The following ADGRB1 variants were observed in gnomAD, a reference collection of about 807,000 sequenced individuals.
The protein encoded by ADGRB1 is adhesion G protein-coupled receptor B1, also known as brain-specific angiogenesis inhibitor 1.
In ADGRB1, 36 loss-of-function variants were observed where a neutral mutation model predicts 175.7. The observed-to-expected ratio is 0.20, with a 90% confidence interval of 0.16 to 0.27. The LOEUF (loss-of-function observed/expected upper bound fraction) is 0.27. Ranked by LOEUF, ADGRB1 falls within the 10% of genes least tolerant of loss-of-function variation. ADGRB1 has a pLI of 1.00. For missense variants in ADGRB1, 1,731 were observed against 2,255.3 expected, an observed-to-expected ratio of 0.77 and a Z score of 4.71; for synonymous variants, 1,054 against 979.4, an observed-to-expected ratio of 1.08 and a Z score of -1.42.
In ADGRB1 at chr8:142,464,100, A is replaced by G; in HGVS notation, c.-99A>G. 3.6e-6 allele frequency: 1 copy of G among 280,426 alleles called. No individual in the cohort carries two copies. The highest frequency in any genetic ancestry group is 1.6e-4 in the East Asian group (1 of 6,440). The allele number at this position is 280,426 out of a possible 1,614,324, so 17.4% of individuals were successfully genotyped here. On this transcript the variant is annotated 5_prime_UTR_variant, in exon 2 of 31. Coordinates refer to ENST00000517894, the MANE Select transcript of ADGRB1 (RefSeq NM_001702.3). ...ACCCTTGCCCCGCCTCCCTGCCCCCACCGGGCCGGCCCTGCCCGCCGCCGG... is the reference window on the plus strand; with the variant it reads ...ACCCTTGCCCCGCCTCCCTGCCCCCGCCGGGCCGGCCCTGCCCGCCGCCGG...
At position 142,476,205 on chromosome 8, in the gene ADGRB1, T is replaced by C. The variant is rs564520958; in HGVS notation, c.947-380T>C. Among the ~76,000 whole-genome samples the C allele has an allele frequency of 1.5e-4, 23 of 152,358 alleles. No homozygotes were observed. The South Asian group carries it at 4.8e-3, about 32-fold the overall frequency. On this transcript the variant is annotated intron_variant, in intron 3 of 30. Coordinates refer to ENST00000517894, the MANE Select transcript of ADGRB1 (RefSeq NM_001702.3). ...TGTCATTGTTTGGGCTGTTTTTTCCTTGGTGAACTTTCCTGGGGAGAAGAG... is the reference window on the plus strand; with the variant it reads ...TGTCATTGTTTGGGCTGTTTTTTCCCTGGTGAACTTTCCTGGGGAGAAGAG...
intron 1 of ADGRB1, among the ~76,000 whole-genome samples, chr8:142,454,694 G>A (rs1400561197): frequency 6.6e-6 from 1 of 152,078 alleles, no homozygotes. Flanking sequence ...TCCACTCCTC[G>A]GGGTTAAGGT....
Position 142,535,908 on chromosome 8 carries a change from C to T in ADGRB1, c.3571-1079C>T, listed in dbSNP as rs142220091. Among the ~76,000 whole-genome samples, 152 of 152,298 alleles carry T rather than the reference C, an allele frequency of 1.0e-3. 1 individual carries two copies. The highest frequency in any genetic ancestry group is 6.8e-3 in the Middle Eastern group (2 of 294). ...GCTGGTGTCCGGGGGTCAGAGGCCACTGAGACCCTGGTTTCCAGGCCTGGC... is the reference window on the plus strand; with the variant it reads ...GCTGGTGTCCGGGGGTCAGAGGCCATTGAGACCCTGGTTTCCAGGCCTGGC... On this transcript the variant is annotated intron_variant, in intron 25 of 30. Coordinates refer to ENST00000517894, the MANE Select transcript of ADGRB1 (RefSeq NM_001702.3).
At position 142,493,364 on chromosome 8, in the gene ADGRB1, A is replaced by G. The variant is rs1348398056; in HGVS notation, c.2675+2549A>G. On this transcript the variant is annotated intron_variant, in intron 17 of 30. Coordinates refer to ENST00000517894, the MANE Select transcript of ADGRB1 (RefSeq NM_001702.3). The surrounding 1 kb of genome is among the most constrained non-coding windows in gnomAD (Gnocchi z 5.0). ...CCTGCTTTTAGGCAGGGGCGGGGGC[A>G]GCAGGACGGCGGTCAAGTCCCCAGG... Among the ~76,000 whole-genome samples, 1 of 151,924 alleles carries G rather than the reference A, an allele frequency of 6.6e-6. No homozygotes were observed. Among genetic ancestry groups the G allele is most frequent in the African/African-American group, 2.4e-5 (1 of 41,352 alleles).
In ADGRB1 at chr8:142,511,927, G is replaced by T. The variant is rs900012396; in HGVS notation, c.2817+854G>T. ...GCAGCAGGGGTGGAGGATGCACTTG[G>T]AGGGGACCTGTCCTTCCTGGGTGTT... On this transcript the variant is annotated intron_variant, in intron 18 of 30. Transcript: ENST00000517894. The surrounding 1 kb of genome is among the most constrained non-coding windows in gnomAD (Gnocchi z 4.5). Among the ~76,000 whole-genome samples, 1 of 152,232 alleles carries T rather than the reference G, an allele frequency of 6.6e-6. No homozygotes were observed. Among genetic ancestry groups the T allele is most frequent in the African/African-American group, 2.4e-5 (1 of 41,458 alleles).
intron 17 of ADGRB1, among the ~76,000 whole-genome samples, chr8:142,491,654 C>T (rs111579504): frequency 2.5e-4 from 38 of 152,290 alleles, no homozygotes; most frequent in Middle Eastern, 3.4e-3. Flanking sequence ...TGCACCCTGC[C>T]GCCCGCCTCC....
chr8:142,538,459 T>A (rs1004438191), intron 26 of ADGRB1, among the ~76,000 whole-genome samples: 1 of 152,196 alleles, frequency 6.6e-6, no homozygotes, highest in Admixed American at 6.5e-5. Flanking sequence ...GGCTAGCTTG[T>A]CATTTTGGGA....
Position 142,511,351 on chromosome 8 carries a change from T to G in ADGRB1, c.2817+278T>G, listed in dbSNP as rs921766253. Among the ~76,000 whole-genome samples, 13 of 151,946 alleles carry G rather than the reference T, an allele frequency of 8.6e-5. No individual in the cohort carries two copies. The highest frequency in any genetic ancestry group is 2.7e-4 in the African/African-American group (11 of 41,388). On this transcript the variant is annotated intron_variant, in intron 18 of 30. Transcript: ENST00000517894. This position sits in a 1 kb window ranked among gnomAD's most constrained non-coding sequence, Gnocchi z 4.5. Reference sequence around the variant, plus strand: ...TGGGTGGGTCCCATCTCCCCTGGCCTTGGAGGCCCGGGATCTCCGAGGGAG... The same window carrying G: ...TGGGTGGGTCCCATCTCCCCTGGCCGTGGAGGCCCGGGATCTCCGAGGGAG...
Position 142,512,015 on chromosome 8 carries a change from C to T in ADGRB1, c.2817+942C>T, listed in dbSNP as rs1218115863. Among the ~76,000 whole-genome samples the T allele has an allele frequency of 2.0e-5, 3 of 152,246 alleles. No individual in the cohort carries two copies. In the East Asian group the frequency reaches 5.8e-4, roughly 29 times the overall value. On this transcript the variant is annotated intron_variant, in intron 18 of 30. Coordinates refer to ENST00000517894, the MANE Select transcript of ADGRB1 (RefSeq NM_001702.3). ...CGATGTAGAAGGTAGCGCCTAGCCT[C>T]TCGGACACTCCAGCCTCCTGGCTGT...
At chr8:142,489,242 C>T (rs962822515) in intron 15 of ADGRB1, 94 bp from the exon 16 acceptor site, 107 of 1,552,442 alleles carry the variant, frequency 6.9e-5, no homozygotes, top group Admixed American at 3.4e-4. Context: ...AGGGTGGCGG[C>T]GGGTACAGGG....
chr8:142,511,860 A>G lies in ADGRB1; in HGVS notation c.2817+787A>G, dbSNP rs1014721624. Among the ~76,000 whole-genome samples, 6 of 152,174 alleles carry G rather than the reference A, an allele frequency of 3.9e-5. No individual in the cohort carries two copies. The highest frequency in any genetic ancestry group is 7.4e-5 in the Non-Finnish European group (5 of 68,024). Reference sequence around the variant, plus strand: ...AGGAAAGGGCCTTGGGCGTGTGCTCACCAAGTAACCTCCGCCCAGACCTCG... The same window carrying G: ...AGGAAAGGGCCTTGGGCGTGTGCTCGCCAAGTAACCTCCGCCCAGACCTCG... On this transcript the variant is annotated intron_variant, in intron 18 of 30. Coordinates refer to ENST00000517894, the MANE Select transcript of ADGRB1 (RefSeq NM_001702.3). This position sits in a 1 kb window ranked among gnomAD's most constrained non-coding sequence, Gnocchi z 4.5.
intron 1 of ADGRB1, among the ~76,000 whole-genome samples, chr8:142,456,992 TG>T (rs1839718389): frequency 6.6e-6 from 1 of 152,150 alleles, no homozygotes; most frequent in South Asian, 2.1e-4. Flanking sequence ...GGCCCCGGGG[TG>T]TGCCTGGAAC....
chr8:142,475,391 C>T (rs952316689), intron 2 of ADGRB1, 83 bp from the exon 3 acceptor site: 4 of 1,219,394 alleles, frequency 3.3e-6, no homozygotes, highest in East Asian at 3.1e-5. Context: ...CCGGCCTCGG[C>T]GGGCTTAGCA....
Position 142,478,222 on chromosome 8 carries a change from A to G in ADGRB1, c.1423A>G (p.Ser475Gly). 6.2e-7 allele frequency: 1 copy of G among 1,607,868 alleles called. No individual in the cohort carries two copies. ...AVDGNWNEWS[S>G]WSACSASCSQ... Reference sequence around the variant, plus strand: ...GGATGGAAACTGGAATGAGTGGTCGAGCTGGAGCGCCTGCTCCGCCAGCTG... The same window carrying G: ...GGATGGAAACTGGAATGAGTGGTCGGGCTGGAGCGCCTGCTCCGCCAGCTG... The change falls in exon 7 of 31, where the codon AGC (serine) becomes GGC (glycine). Residue 475 changes from serine (S) to glycine (G), a missense_variant. Ser to Gly is a moderately conservative substitution (Grantham distance 56). Coordinates refer to ENST00000517894, the MANE Select transcript of ADGRB1 (RefSeq NM_001702.3).
chr8:142,524,173 C>T (rs1043569781), intron 22 of ADGRB1, 65 bp from the exon 23 acceptor site: 62 of 1,523,224 alleles, frequency 4.1e-5, no homozygotes, highest in Non-Finnish European at 4.8e-5. Flanking sequence ...TCCTGAGAGG[C>T]CGGCAGCACC....
Position 142,526,571 on chromosome 8 carries a change from C to A in ADGRB1, c.3342C>A (p.Phe1114Leu). 1 of 1,432,778 alleles carries A rather than the reference C, an allele frequency of 7.0e-7. No homozygotes were observed. The highest frequency in any genetic ancestry group is 9.4e-7 in the Non-Finnish European group (1 of 1,067,522). The allele number at this position is 1,432,778 out of a possible 1,614,324, so 88.8% of individuals were successfully genotyped here. A position where few individuals can be genotyped will look rare whatever the true frequency, so the allele number is the denominator to read the frequency against. ...ACATGGTCATTGGGATCCTGGTGTT[C>A]AACAAGCTCGTGTCCAAAGACGGCA... ...LVNMVIGILVFNKLVSKDGIT... is the reference protein window; with the variant it reads ...LVNMVIGILVLNKLVSKDGIT... Residue 1114 changes from phenylalanine to leucine, a missense_variant, in exon 24 of 31, where the codon TTC (phenylalanine) becomes TTA (leucine). By Grantham distance (22) the Phe-to-Leu change is conservative (BLOSUM62 0). Transcript: ENST00000517894.
rs529902931 is a variant in ADGRB1, at chr8:142,525,118, C to T, written c.3312+814C>T. On this transcript the variant is annotated intron_variant, in intron 23 of 30. Coordinates refer to ENST00000517894, the MANE Select transcript of ADGRB1 (RefSeq NM_001702.3). ...GCACAGGCTGGGCCTAGCAGAGAAA[C>T]GTGCATGAGGGGTGATGGGGAGCTA... Among the ~76,000 whole-genome samples the T allele has an allele frequency of 2.6e-5, 4 of 152,084 alleles. No individual in the cohort carries two copies. The East Asian group carries it at 7.8e-4, about 29-fold the overall frequency.
rs1026090761 is a variant in ADGRB1, at chr8:142,504,479, G to A, written c.2676-6453G>A. Among the ~76,000 whole-genome samples the A allele has an allele frequency of 2.0e-5, 3 of 152,166 alleles. No individual in the cohort carries two copies. The highest frequency in any genetic ancestry group is 1.9e-4 in the East Asian group (1 of 5,186). On this transcript the variant is annotated intron_variant, in intron 17 of 30. Coordinates refer to ENST00000517894, the MANE Select transcript of ADGRB1 (RefSeq NM_001702.3). The surrounding 1 kb of genome is among the most constrained non-coding windows in gnomAD (Gnocchi z 5.6). ...AGGGAGGCCCCTCTGGGATGGTCGC[G>A]GGGGGCTCTGGCTGCTGGGTGAGGC...
At chr8:142,523,733 C>T (rs1235990490) in intron 22 of ADGRB1, among the ~76,000 whole-genome samples, 1 of 123,720 alleles carries the variant, frequency 8.1e-6, no homozygotes, top group African/African-American at 3.2e-5. Flanking sequence ...ATGGGCACCA[C>T]AGGTGGTGTC....
Sources: allele counts gnomAD v4.1 joint callset (sites outside exome capture counted in the v4.1 genomes callset), GRCh38; gene constraint gnomAD v4.1.1; non-coding constraint Gnocchi (gnomAD v3.1); transcripts MANE v1.5; gene names NCBI Gene and HGNC (gene_info 2026-07-23, HGNC 2026-07-21).